Variants in GPC4 observed in about 807,000 individuals in gnomAD.
GPC4 encodes the protein glypican 4, also known as glypican-4.
In GPC4, 10 loss-of-function variants were observed where a neutral mutation model predicts 35.0. That is an observed-to-expected ratio of 0.29 (90% CI 0.18 to 0.48). GPC4 has a LOEUF of 0.48. Among genes scored for constraint, GPC4 ranks in the 20% least tolerant of loss-of-function variants. The pLI is 0.99. For missense variants in GPC4, 322 were observed against 451.3 expected (o/e 0.71, Z 2.60); for synonymous variants, 167 against 170.2 (o/e 0.98, Z 0.15).
At chrX:133,376,494 C>T (rs1295147911) in intron 1 of GPC4, among the ~76,000 whole-genome samples, 1 of 112,694 alleles carries the variant, frequency 8.9e-6, no homozygotes, top group Middle Eastern at 4.2e-3. Flanking sequence ...TGGAATCTAA[C>T]ACAAATATCC....
intron 1 of GPC4, among the ~76,000 whole-genome samples, chrX:133,398,327 C>T (rs896293394): frequency 1.8e-5 from 2 of 110,806 alleles, no homozygotes; most frequent in Non-Finnish European, 3.8e-5. Context: ...GCTAAAAATA[C>T]TTGCTTGTAA....
chrX:133,398,019 G>A (rs1240840539), intron 1 of GPC4, among the ~76,000 whole-genome samples: 9 of 111,978 alleles, frequency 8.0e-5, no homozygotes, highest in Non-Finnish European at 1.1e-4. Context: ...AGCTGAGATT[G>A]CCCCATCGCA....
intron 1 of GPC4, among the ~76,000 whole-genome samples, chrX:133,374,119 A>G (rs757539052): frequency 9.0e-6 from 1 of 111,599 alleles, no homozygotes; most frequent in East Asian, 2.8e-4. Flanking sequence ...TATGAATTAT[A>G]TATCAGTAAA....
chrX:133,412,101 T>C (rs1192886617), intron 1 of GPC4, among the ~76,000 whole-genome samples: 2 of 111,900 alleles, frequency 1.8e-5, no homozygotes, highest in Non-Finnish European at 1.9e-5. Context: ...AAAATGATCC[T>C]GGGTGTTTTG....
At chrX:133,398,474 T>C (rs999251966) in intron 1 of GPC4, among the ~76,000 whole-genome samples, 4 of 111,480 alleles carry the variant, frequency 3.6e-5, no homozygotes, top group African/African-American at 9.8e-5. Context: ...AACTAAGAAA[T>C]AGGGATCTAC....
At position 133,414,824 on chromosome X, in the gene GPC4, G is replaced by C; in HGVS notation, c.142C>G (p.Pro48Ala). ...VSKGFNKNDA[P>A]LHEINGDHLK... ...CACCTACCGTTGATCTCGTGGAGGGGGGCATCGTTCTTGTTGAAGCCTTTG... is the reference window on the plus strand; with the variant it reads ...CACCTACCGTTGATCTCGTGGAGGGCGGCATCGTTCTTGTTGAAGCCTTTG... Residue 48 changes from proline to alanine, a missense_variant, in exon 1 of 9, where the codon CCC becomes GCC. This residue lies in a region of GPC4 where 60 missense variants were observed against 64.1 expected (regional missense o/e 0.94). Coordinates refer to ENST00000370828, the MANE Select transcript of GPC4 (RefSeq NM_001448.3). 1 of 1,211,803 alleles carries C rather than the reference G, an allele frequency of 8.3e-7. No homozygotes were observed. Among genetic ancestry groups the C allele is most frequent in the Non-Finnish European group, 1.1e-6 (1 of 895,342 alleles).
intron 4 of GPC4, among the ~76,000 whole-genome samples, chrX:133,309,843 G>A (rs1355625345): frequency 2.7e-5 from 3 of 112,232 alleles, no homozygotes; most frequent in African/African-American, 9.7e-5. Context: ...TTACTTCCAT[G>A]AGAAATATTT....
intron 4 of GPC4, 105 bp from the exon 5 acceptor site, chrX:133,306,259 G>A: frequency 2.3e-6 from 2 of 882,168 alleles, no homozygotes; most frequent in Non-Finnish European, 3.3e-6. Flanking sequence ...TCCTGCATGG[G>A]GGCAGGGGAA....
rs758908763 is a variant in GPC4, at chrX:133,305,794, G to C, written c.1133C>G (p.Ala378Gly). ...CACCAGTCGGTCCAAACTAGTGCCA[G>C]CTGCTGTGGTTGGGCGTTCCTCGGG... ...HHPEERPTTA[A>G]GTSLDRLVTD... is the part of the protein sequence containing the mutation. The change falls in exon 6 of 9, where the codon GCT (alanine) becomes GGT (glycine). Residue 378 changes from alanine to glycine, a missense_variant. By Grantham distance (60) the Ala-to-Gly change is moderately conservative. Around this residue, in one of 3 missense-constraint regions of GPC4, gnomAD observed 163 missense variants for 277.2 expected, o/e 0.59. Coordinates refer to ENST00000370828, the MANE Select transcript of GPC4 (RefSeq NM_001448.3). 1.1e-5 allele frequency: 13 copies of C among 1,212,068 alleles called. No homozygotes were observed. The South Asian group carries it at 2.3e-4, about 21-fold the overall frequency.
At chrX:133,331,882 TGGGGATCAA>T (rs1451855038) in intron 2 of GPC4, among the ~76,000 whole-genome samples, 1 of 111,713 alleles carries the variant, frequency 9.0e-6, no homozygotes, top group Non-Finnish European at 1.9e-5. Flanking sequence ...GGTTGGGTGC[TGGGGATCAA>T]GGGTAATTTT....
intron 3 of GPC4, among the ~76,000 whole-genome samples, chrX:133,312,090 T>G (rs1292732826): frequency 4.5e-5 from 5 of 111,248 alleles, no homozygotes; most frequent in Admixed American, 9.6e-5. Context: ...CACAGAGTGT[T>G]CACAGAACAC....
chrX:133,343,006 G>A (rs896001639), intron 1 of GPC4, among the ~76,000 whole-genome samples: 3 of 111,321 alleles, frequency 2.7e-5, no homozygotes, highest in African/African-American at 9.8e-5. Flanking sequence ...TCTTCTCACT[G>A]AAGAAAGATG....
chrX:133,316,193 G>C (rs1323821038), intron 3 of GPC4, among the ~76,000 whole-genome samples: 2 of 111,551 alleles, frequency 1.8e-5, no homozygotes, highest in African/African-American at 6.5e-5. Context: ...GTATGTGCCA[G>C]GTTCTATTCT....
intron 1 of GPC4, among the ~76,000 whole-genome samples, chrX:133,344,412 A>G (rs1409639635): frequency 1.9e-5 from 2 of 106,536 alleles, no homozygotes; most frequent in Non-Finnish European, 3.9e-5. Context: ...TTTAGTAGAG[A>G]CGGGGTTTCT....
intron 1 of GPC4, among the ~76,000 whole-genome samples, chrX:133,341,585 C>T (rs890146736): frequency 1.8e-5 from 2 of 110,510 alleles, no homozygotes; most frequent in Non-Finnish European, 1.9e-5. Flanking sequence ...GGGTTCACAC[C>T]TAATAAAGGG....
chrX:133,322,390 G>C (rs1221398901), intron 3 of GPC4, among the ~76,000 whole-genome samples: 10 of 106,851 alleles, frequency 9.4e-5, no homozygotes, highest in Non-Finnish European at 1.9e-4. Context: ...GTTGCGGTGA[G>C]CAGAGATCTC....
At chrX:133,354,005 C>G (rs2068528741) in intron 1 of GPC4, among the ~76,000 whole-genome samples, 1 of 111,852 alleles carries the variant, frequency 8.9e-6, no homozygotes, top group Non-Finnish European at 1.9e-5. Context: ...ATTAAAATAG[C>G]CTTTCTTAGA....
intron 3 of GPC4, among the ~76,000 whole-genome samples, chrX:133,312,044 T>C (rs1390986828): frequency 2.7e-5 from 3 of 110,265 alleles, no homozygotes; most frequent in Non-Finnish European, 5.7e-5. Flanking sequence ...ACTTAGGGGG[T>C]GTGTGAAGGT....
At chrX:133,319,443 C>CA (rs369290840) in intron 3 of GPC4, among the ~76,000 whole-genome samples, 6,873 of 16,798 alleles carry the variant, frequency 0.41, 1,660 homozygotes, top group Non-Finnish European at 0.43. Flanking sequence ...GACCCTATGT[C>CA]AAAAAAAAAA....
Sources: allele counts gnomAD v4.1 joint callset (sites outside exome capture counted in the v4.1 genomes callset), GRCh38; gene constraint gnomAD v4.1.1; regional missense constraint gnomAD v4.1.1; transcripts MANE v1.5; gene names NCBI Gene and HGNC (gene_info 2026-07-23, HGNC 2026-07-21).